CYYR1: variants seen among roughly 807,000 people sequenced by gnomAD.
CYYR1 encodes the protein cysteine and tyrosine-rich protein 1.
CYYR1 carries 14 observed loss-of-function variants against 15.2 expected under a neutral mutation model. The ratio of observed to expected loss-of-function variants is 0.92; its 90% CI spans 0.61 to 1.44. CYYR1 has a LOEUF of 1.44. CYYR1 is among the 40% of genes most tolerant of loss of function. CYYR1 has a pLI of 0.00. For missense variants in CYYR1, 228 were observed against 209.5 expected (o/e 1.09, Z -0.54); for synonymous variants, 80 against 77.4 (o/e 1.03, Z -0.18).
chr21:26,510,974 G>C (rs1255476835), intron 2 of CYYR1, among the ~76,000 whole-genome samples: 1 of 152,172 alleles, frequency 6.6e-6, no homozygotes, highest in African/African-American at 2.4e-5. Flanking sequence ...TTCCTCAGCA[G>C]ACTTTTACAA....
intron 2 of CYYR1, among the ~76,000 whole-genome samples, chr21:26,521,534 A>G (rs1263705178): frequency 6.6e-6 from 1 of 152,266 alleles, no homozygotes; most frequent in Non-Finnish European, 1.5e-5. Context: ...CAAAAGGAAC[A>G]TTCAAATTAA....
At chr21:26,522,932 C>A (rs2065819501) in intron 2 of CYYR1, among the ~76,000 whole-genome samples, 2 of 152,166 alleles carry the variant, frequency 1.3e-5, no homozygotes, top group Admixed American at 6.5e-5. Context: ...TTGGTGGGAG[C>A]CCAGGCTCTG....
intron 2 of CYYR1, among the ~76,000 whole-genome samples, chr21:26,541,998 A>G (rs1407787870): frequency 1.3e-5 from 2 of 152,246 alleles, no homozygotes; most frequent in Admixed American, 1.3e-4. Flanking sequence ...TGGGACAAAC[A>G]GAAAAGATAA....
intron 2 of CYYR1, among the ~76,000 whole-genome samples, chr21:26,553,265 AT>A (rs879901744): frequency 2.6e-5 from 4 of 151,680 alleles, no homozygotes; most frequent in Admixed American, 1.3e-4. Context: ...CTGCTTCCAA[AT>A]TTTTTTTCTT....
chr21:26,570,069 T>G (rs2123749222), intron 1 of CYYR1, among the ~76,000 whole-genome samples: 1 of 152,330 alleles, frequency 6.6e-6, no homozygotes, highest in East Asian at 1.9e-4. Context: ...CAAAGCCTTT[T>G]TTATGTTGGT....
At chr21:26,502,017 TAAAA>T (rs963471099) in intron 2 of CYYR1, among the ~76,000 whole-genome samples, 1 of 151,970 alleles carries the variant, frequency 6.6e-6, no homozygotes, top group East Asian at 1.9e-4. Context: ...ATAAAAGCAG[TAAAA>T]AAAATCTCTC....
intron 2 of CYYR1, among the ~76,000 whole-genome samples, chr21:26,494,412 T>C (rs549039654): frequency 4.6e-5 from 7 of 152,342 alleles, no homozygotes; most frequent in African/African-American, 1.7e-4. Context: ...AATTCTTATG[T>C]ATTGTCAAGA....
In CYYR1 at chr21:26,507,063, G is replaced by A. The variant is rs542747657; in HGVS notation, c.177-26634C>T. Among the ~76,000 whole-genome samples the A allele has an allele frequency of 3.9e-5, 6 of 152,266 alleles. No individual in the cohort carries two copies. The East Asian group carries it at 5.8e-4, about 15-fold the overall frequency. The stretch of plus-strand genomic sequence containing the variant: ...TAGCTGTGAAAGCCCTCAGCCCACA[G>A]GTTGCTGTGATTTGCACTTGAGTAT... On this transcript the variant is annotated intron_variant, in intron 2 of 3. Coordinates refer to ENST00000652641, the MANE Select transcript of CYYR1 (RefSeq NM_001320768.2).
chr21:26,534,669 T>A (rs1381003795), intron 2 of CYYR1, among the ~76,000 whole-genome samples: 1 of 152,170 alleles, frequency 6.6e-6, no homozygotes, highest in African/African-American at 2.4e-5. Flanking sequence ...CTACTGTCTC[T>A]GCATTTTCGT....
intron 3 of CYYR1, among the ~76,000 whole-genome samples, chr21:26,478,357 A>C (rs149917843): frequency 9.6e-4 from 146 of 152,102 alleles, no homozygotes; most frequent in African/African-American, 3.4e-3. Flanking sequence ...GAAGTGAGGG[A>C]GTCAGTATTC....
chr21:26,524,882 A>T (rs1357208230), intron 2 of CYYR1, among the ~76,000 whole-genome samples: 1 of 152,182 alleles, frequency 6.6e-6, no homozygotes, highest in Non-Finnish European at 1.5e-5. Flanking sequence ...TTGACTGAGA[A>T]ATGTCAATGT....
chr21:26,530,434 G>A (rs2070303984), intron 2 of CYYR1, among the ~76,000 whole-genome samples: 1 of 151,786 alleles, frequency 6.6e-6, no homozygotes, highest in African/African-American at 2.4e-5. Flanking sequence ...CTTAAAATGT[G>A]AGTTTATTGG....
rs139972191 is a variant in CYYR1 at position 26,522,907 on chromosome 21, G to A, written c.177-42478C>T. On this transcript the variant is annotated intron_variant, in intron 2 of 3. Transcript: ENST00000652641. ...AGCACAACAAACAATAGGCATGAAAGCGTGAATGTTCAGCTTGGTGGGAGC... is the reference window on the plus strand; with the variant it reads ...AGCACAACAAACAATAGGCATGAAAACGTGAATGTTCAGCTTGGTGGGAGC... 1.7e-3 allele frequency among the ~76,000 whole-genome samples: 256 copies of A among 152,350 alleles called. 2 individuals are homozygous for A. The highest frequency in any genetic ancestry group is 5.9e-3 in the African/African-American group (247 of 41,576).
chr21:26,533,343 G>A (rs2065956517), intron 2 of CYYR1, among the ~76,000 whole-genome samples: 1 of 151,958 alleles, frequency 6.6e-6, no homozygotes, highest in Non-Finnish European at 1.5e-5. Flanking sequence ...TCATTTGCAA[G>A]CTGCAGAACC....
chr21:26,475,548 C>T (rs1174918213), intron 3 of CYYR1, among the ~76,000 whole-genome samples: 1 of 152,072 alleles, frequency 6.6e-6, no homozygotes, highest in Non-Finnish European at 1.5e-5. Context: ...TTTATGTTTA[C>T]CATCAGTGTA....
chr21:26,472,826 A>C (rs968864559), intron 3 of CYYR1, among the ~76,000 whole-genome samples: 1 of 152,138 alleles, frequency 6.6e-6, no homozygotes, highest in Non-Finnish European at 1.5e-5. Context: ...TGTTATTTCC[A>C]AGTTTAAAAA....
chr21:26,479,400 T>C (rs796697159), intron 3 of CYYR1, among the ~76,000 whole-genome samples: 3 of 152,072 alleles, frequency 2.0e-5, no homozygotes, highest in African/African-American at 7.2e-5. Flanking sequence ...TCTTTTCCTG[T>C]AGAGACAGAG....
At chr21:26,472,391 T>C (rs569001826) in intron 3 of CYYR1, among the ~76,000 whole-genome samples, 1 of 152,126 alleles carries the variant, frequency 6.6e-6, no homozygotes, top group Admixed American at 6.5e-5. Flanking sequence ...AAGTAACACA[T>C]ACATTTTATT....
At chr21:26,501,056 A>G (rs1025345396) in intron 2 of CYYR1, among the ~76,000 whole-genome samples, 1 of 152,166 alleles carries the variant, frequency 6.6e-6, no homozygotes, top group Non-Finnish European at 1.5e-5. Flanking sequence ...TAAAATCAGT[A>G]AGGCCGGGCG....
Sources: allele counts gnomAD v4.1 joint callset (sites outside exome capture counted in the v4.1 genomes callset), GRCh38; gene constraint gnomAD v4.1.1; transcripts MANE v1.5; gene names NCBI Gene and HGNC (gene_info 2026-07-23, HGNC 2026-07-21).